The following P4HA3 variants were observed in gnomAD, a reference collection of about 807,000 sequenced individuals.
P4HA3 encodes the protein prolyl 4-hydroxylase subunit alpha-3.
P4HA3 carries 60 observed loss-of-function variants against 66.7 expected under a neutral mutation model. That is an observed-to-expected ratio of 0.90 (90% confidence interval 0.73 to 1.12). The LOEUF (loss-of-function observed/expected upper bound fraction) is 1.12, where lower values mean the gene tolerates loss of function less well. P4HA3 is among the 50% of genes most tolerant of loss of function. The probability of loss-of-function intolerance (pLI) is 0.00; values close to 1 mark genes in which losing one functional copy is unlikely to be tolerated. For synonymous variants in P4HA3, 263 were observed against 274.6 expected (o/e 0.96, Z 0.42); for missense variants, 683 against 685.8 (o/e 1.00, Z 0.05).
In P4HA3 at chr11:74,251,588, C is replaced by G. The variant is rs1859664610; in HGVS notation, c.*1319-3587G>C. 4 of 1,591,002 alleles carry G rather than the reference C, an allele frequency of 2.5e-6. No homozygotes were observed. The Admixed American group carries it at 6.8e-5, about 27-fold the overall frequency. Reference sequence around the variant, plus strand: ...CTAACCATCTAACAGTAGCTCACAGCCCAAGGCTAAGCCCCATCACTAACC... The same window carrying G: ...CTAACCATCTAACAGTAGCTCACAGGCCAAGGCTAAGCCCCATCACTAACC... On this transcript the variant is annotated intron_variant and NMD_transcript_variant, in intron 15 of 15. Coordinates refer to the P4HA3 transcript ENST00000524388.
At chr11:74,265,857 T>C (rs1859981913), downstream of P4HA3, among the ~76,000 whole-genome samples, 1 of 152,166 alleles carries the variant, frequency 6.6e-6, no homozygotes, top group African/African-American at 2.4e-5. Context: ...ATTTACAAAG[T>C]ACAGCACAGC....
chr11:74,264,577 T>C (rs1859960593), downstream of P4HA3, among the ~76,000 whole-genome samples: 1 of 152,122 alleles, frequency 6.6e-6, no homozygotes. Context: ...CATCTAATTC[T>C]CCTTTCCCTC....
Position 74,267,260 on chromosome 11 carries a change from G to C in P4HA3, c.1623C>G (p.Ser541Arg). 8 of 1,614,176 alleles carry C rather than the reference G, an allele frequency of 5.0e-6. No homozygotes were observed. The highest frequency in any genetic ancestry group is 6.8e-6 in the Non-Finnish European group (8 of 1,180,030). ...CTCTGCCAACAGTTCAGTCTTCAGG[G>C]CTGGAGCTGCAGGGTCTGCGGAATT... ...GQEFRRPCSS[S>R]PED Residue 541 changes from serine (S) to arginine (R), a missense_variant, in exon 13 of 13, where the codon AGC becomes AGG. Physicochemically the swap from Ser to Arg is moderately radical, Grantham distance 110 (BLOSUM62 -1). Transcript: ENST00000331597.
intron 15 of P4HA3, chr11:74,251,440 C>T (rs1859657931): frequency 7.1e-7 from 1 of 1,409,092 alleles, no homozygotes; most frequent in African/African-American, 1.4e-5. Context: ...TCCTCTTGAG[C>T]TCTATGGAGC....
chr11:74,303,497 T>C (rs983865668), intron 2 of P4HA3, among the ~76,000 whole-genome samples: 4 of 151,910 alleles, frequency 2.6e-5, no homozygotes, highest in African/African-American at 9.7e-5. Context: ...CCCAGGCTAG[T>C]CTCGAACTCC....
intron 4 of P4HA3, among the ~76,000 whole-genome samples, chr11:74,291,592 C>T (rs1284055444): frequency 1.3e-5 from 2 of 152,092 alleles, no homozygotes; most frequent in Non-Finnish European, 2.9e-5. Flanking sequence ...TTGTCATAGA[C>T]AGCTCTTATT....
chr11:74,289,064 T>C lies in P4HA3; in HGVS notation c.769+15A>G, dbSNP rs1860907444. Reference sequence around the variant, plus strand: ...ATCAGACCTGTGGCTGGCTTATCTTTTATCCATTACGTACTGTAGAGAAGA... The same window carrying C: ...ATCAGACCTGTGGCTGGCTTATCTTCTATCCATTACGTACTGTAGAGAAGA... On this transcript the variant is annotated intron_variant, in intron 5 of 12. Transcript: ENST00000331597. 2 of 1,529,716 alleles carry C rather than the reference T, an allele frequency of 1.3e-6. No homozygotes were observed. Among genetic ancestry groups the C allele is most frequent in the South Asian group, 1.3e-5 (1 of 76,136 alleles). 94.8% of individuals were successfully genotyped at this position (1,529,716 alleles called of 1,614,324 possible).
intron 15 of P4HA3, among the ~76,000 whole-genome samples, chr11:74,252,871 T>C (rs896813043): frequency 1.3e-5 from 2 of 152,148 alleles, no homozygotes; most frequent in African/African-American, 2.4e-5. Context: ...AGAGGCATGT[T>C]GACCAAACCA....
chr11:74,300,766 G>A (rs1012248277), intron 3 of P4HA3, among the ~76,000 whole-genome samples: 41 of 152,152 alleles, frequency 2.7e-4, no homozygotes, highest in African/African-American at 9.7e-4. Context: ...ATACCACTCC[G>A]AGGTATTCAT....
intron 4 of P4HA3, among the ~76,000 whole-genome samples, chr11:74,294,246 T>G (rs1004894233): frequency 2.0e-5 from 3 of 152,264 alleles, no homozygotes; most frequent in Non-Finnish European, 2.9e-5. Flanking sequence ...CATCGGCTAC[T>G]GAGGCTTCTG....
chr11:74,274,343 T>G (rs562583766), intron 9 of P4HA3, among the ~76,000 whole-genome samples: 2 of 151,412 alleles, frequency 1.3e-5, no homozygotes. Context: ...TCTCACTCTG[T>G]TGCCCAGGCT....
chr11:74,295,110 G>A (rs190821363), intron 4 of P4HA3, among the ~76,000 whole-genome samples: 192 of 152,198 alleles, frequency 1.3e-3, no homozygotes, highest in African/African-American at 4.0e-3. Context: ...ATGTAATTGC[G>A]GGGCGTTGTT....
At chr11:74,254,482 C>G (rs1308305921) in intron 15 of P4HA3, 1 of 152,962 alleles carries the variant, frequency 6.5e-6, no homozygotes, top group African/African-American at 2.4e-5. Context: ...AGCACTGTGG[C>G]CTGTCCCTAT....
chr11:74,292,555 T>C (rs1861067686), intron 4 of P4HA3, among the ~76,000 whole-genome samples: 1 of 152,224 alleles, frequency 6.6e-6, no homozygotes, highest in South Asian at 2.1e-4. Flanking sequence ...CAATTTTAGA[T>C]CTTTCCTGCT....
At chr11:74,282,468 G>A (rs1201507371) in intron 7 of P4HA3, among the ~76,000 whole-genome samples, 2 of 152,226 alleles carry the variant, frequency 1.3e-5, no homozygotes, top group African/African-American at 4.8e-5. Context: ...GAATCATACA[G>A]GTGAGAAGTC....
At chr11:74,253,635 G>T in intron 15 of P4HA3, 1 of 1,104,744 alleles carries the variant, frequency 9.1e-7, no homozygotes, top group Admixed American at 1.8e-5. Flanking sequence ...CCCGGTAGAC[G>T]GGCACCCCGA....
chr11:74,263,386 C>T (rs1859940101), downstream of P4HA3, among the ~76,000 whole-genome samples: 2 of 152,096 alleles, frequency 1.3e-5, no homozygotes, highest in African/African-American at 4.8e-5. Flanking sequence ...ATGTTGGAGA[C>T]CCCCCCTGCC....
At chr11:74,304,541 G>A (rs1187316963) in intron 1 of P4HA3, 129 bp from the exon 2 acceptor site, 8 of 1,120,268 alleles carry the variant, frequency 7.1e-6, no homozygotes, top group African/African-American at 1.6e-5. Flanking sequence ...TCACATAATA[G>A]TCCAACCAAA....
intron 4 of P4HA3, among the ~76,000 whole-genome samples, chr11:74,295,440 A>G (rs1454257859): frequency 1.3e-5 from 2 of 152,236 alleles, no homozygotes; most frequent in Non-Finnish European, 2.9e-5. Context: ...ATTAACTGAT[A>G]GAAATGTATT....
Sources: gnomAD v4.1 joint callset for allele counts (sites outside exome capture counted in the v4.1 genomes callset) on GRCh38, gnomAD v4.1.1 for gene constraint, MANE v1.5 for transcripts, NCBI Gene and HGNC (gene_info 2026-07-23, HGNC 2026-07-21) for gene names.